Variants in RIMS1 observed in about 807,000 individuals in gnomAD.
RIMS1 encodes the protein regulating synaptic membrane exocytosis 1, also known as regulating synaptic membrane exocytosis protein 1.
RIMS1 carries 83 observed loss-of-function variants against 214.1 expected under a neutral mutation model. That is an observed-to-expected ratio of 0.39 (90% CI 0.32 to 0.47). RIMS1 has a LOEUF of 0.47. RIMS1 is among the 20% of genes least tolerant of loss of function. The pLI is 0.99. For missense variants in RIMS1, 2,050 were observed against 2,161.8 expected (o/e 0.95, Z 1.03); for synonymous variants, 793 against 786.8 (o/e 1.01, Z -0.13).
At chr6:72,387,278 C>T (rs1175511492) in intron 29 of RIMS1, among the ~76,000 whole-genome samples, 1 of 152,192 alleles carries the variant, frequency 6.6e-6, no homozygotes, top group East Asian at 1.9e-4. Flanking sequence ...AGCACCTCAC[C>T]GTTTAGATTT....
intron 20 of RIMS1, 29 bp downstream of exon 20, chr6:72,265,081 A>G: frequency 7.7e-7 from 1 of 1,291,684 alleles, no homozygotes; most frequent in Non-Finnish European, 1.1e-6. Context: ...AGTCCCACCC[A>G]GTTATAAAGT....
chr6:72,231,560 G>A (rs777820405), intron 6 of RIMS1, among the ~76,000 whole-genome samples: 6 of 151,624 alleles, frequency 4.0e-5, no homozygotes, highest in Admixed American at 6.6e-5. Flanking sequence ...ATTTTATTAC[G>A]GGATACTGTA....
chr6:71,894,890 A>C (rs1200517134), intron 1 of RIMS1, among the ~76,000 whole-genome samples: 1 of 152,216 alleles, frequency 6.6e-6, no homozygotes, highest in Non-Finnish European at 1.5e-5. Context: ...TGAATGAAAG[A>C]TATTTTGTGT....
chr6:72,290,731 G>C lies in RIMS1; in HGVS notation c.3607G>C (p.Asp1203His), dbSNP rs935402982. 3 of 1,613,810 alleles carry C rather than the reference G, an allele frequency of 1.9e-6. No homozygotes were observed. The highest frequency in any genetic ancestry group is 3.3e-5 in the Admixed American group (2 of 60,002). The change falls in exon 25 of 34, where the codon GAT becomes CAT. Residue 1203 changes from aspartate to histidine, a missense_variant. Transcript: ENST00000521978. The part of the protein sequence containing the change: ...RRGHAAPRAT[D>H]QPVIRGKHPA... ...GGGACACGCAGCCCCAAGAGCAACT[G>C]ATCAGCCAGTCATTAGGGGAAAACA...
chr6:72,137,807 G>T (rs1483028299), intron 4 of RIMS1, among the ~76,000 whole-genome samples: 8 of 150,156 alleles, frequency 5.3e-5, no homozygotes, highest in African/African-American at 2.0e-4. Context: ...CACGATCTCG[G>T]CTCACTGCAA....
At chr6:71,910,624 T>C (rs1172820852) in intron 1 of RIMS1, among the ~76,000 whole-genome samples, 1 of 152,190 alleles carries the variant, frequency 6.6e-6, no homozygotes, top group Admixed American at 6.6e-5. Context: ...TAGAGATACT[T>C]CATATATGTT....
intron 4 of RIMS1, among the ~76,000 whole-genome samples, chr6:72,163,024 C>A (rs2045691172): frequency 7.6e-6 from 1 of 131,404 alleles, no homozygotes; most frequent in Non-Finnish European, 1.8e-5. Flanking sequence ...TTCAGGTATA[C>A]CTATCAGATG....
At chr6:72,364,107 C>T (rs1049511090) in intron 29 of RIMS1, among the ~76,000 whole-genome samples, 1 of 152,222 alleles carries the variant, frequency 6.6e-6, no homozygotes, top group Non-Finnish European at 1.5e-5. Flanking sequence ...GGCAATAGGC[C>T]AAGCCCTCTC....
intron 6 of RIMS1, among the ~76,000 whole-genome samples, chr6:72,196,521 A>G (rs2050958804): frequency 6.8e-6 from 1 of 146,230 alleles, no homozygotes. Flanking sequence ...CCTTAAAACA[A>G]TTACAACTTA....
intron 4 of RIMS1, among the ~76,000 whole-genome samples, chr6:72,122,271 C>T (rs2038539017): frequency 7.0e-6 from 1 of 143,474 alleles, no homozygotes; most frequent in Non-Finnish European, 1.5e-5. Context: ...GTGGCGCTAT[C>T]TTGGCTCACT....
At chr6:72,054,233 C>A (rs1825523819) in intron 2 of RIMS1, among the ~76,000 whole-genome samples, 1 of 152,240 alleles carries the variant, frequency 6.6e-6, no homozygotes, top group African/African-American at 2.4e-5. Context: ...CTGTTTCATC[C>A]ATGTCCCTGC....
At chr6:72,144,627 A>T (rs1338870870) in intron 4 of RIMS1, among the ~76,000 whole-genome samples, 2 of 152,134 alleles carry the variant, frequency 1.3e-5, no homozygotes, top group Non-Finnish European at 2.9e-5. Context: ...TTCCAAAAAA[A>T]AAAAGAAGCC....
chr6:72,095,116 A>ATTTTTTTT (rs71540328), intron 2 of RIMS1, among the ~76,000 whole-genome samples: 25 of 98,946 alleles, frequency 2.5e-4, no homozygotes, highest in East Asian at 6.0e-4. Flanking sequence ...ACGCCCGACT[A>ATTTTTTTT]TTTTTTTTTT....
intron 28 of RIMS1, among the ~76,000 whole-genome samples, chr6:72,332,408 C>T (rs981146947): frequency 6.6e-6 from 1 of 151,216 alleles, no homozygotes; most frequent in Non-Finnish European, 1.5e-5. Context: ...AGAATCCTAA[C>T]ATCATTCTCA....
intron 1 of RIMS1, among the ~76,000 whole-genome samples, chr6:71,943,506 C>G (rs1342029836): frequency 6.6e-6 from 1 of 152,138 alleles, no homozygotes; most frequent in Non-Finnish European, 1.5e-5. Context: ...GACAAACTTT[C>G]CTCTTTAATT....
intron 29 of RIMS1, among the ~76,000 whole-genome samples, chr6:72,344,166 A>G (rs1300577824): frequency 6.6e-6 from 1 of 151,800 alleles, no homozygotes; most frequent in Non-Finnish European, 1.5e-5. Context: ...AATAAATCAA[A>G]TGAGCACCTT....
intron 4 of RIMS1, among the ~76,000 whole-genome samples, chr6:72,161,260 G>A (rs2045360302): frequency 1.4e-5 from 2 of 139,722 alleles, no homozygotes; most frequent in Admixed American, 1.5e-4. Flanking sequence ...TATTGCATCT[G>A]TTTGATTCTT....
Position 72,376,811 on chromosome 6 carries a change from C to T in RIMS1, c.4367-13787C>T, listed in dbSNP as rs147745482. Among the ~76,000 whole-genome samples, 712 of 151,494 alleles carry T rather than the reference C, an allele frequency of 4.7e-3. 5 individuals are homozygous for T. Among genetic ancestry groups the T allele is most frequent in the African/African-American group, 0.015 (613 of 41,308 alleles). On this transcript the variant is annotated intron_variant, in intron 29 of 33. Transcript: ENST00000521978. ...TAAGATTTCCCTGGGTTTTTAATCACAGAAATTTATCACAGGTTTTTCAGA... is the reference window on the plus strand; with the variant it reads ...TAAGATTTCCCTGGGTTTTTAATCATAGAAATTTATCACAGGTTTTTCAGA...
intron 1 of RIMS1, among the ~76,000 whole-genome samples, chr6:71,963,398 T>C (rs1793522267): frequency 6.6e-6 from 1 of 152,186 alleles, no homozygotes; most frequent in Non-Finnish European, 1.5e-5. Context: ...AGATATGCTG[T>C]GAGTATTTTG....
Sources: allele counts gnomAD v4.1 joint callset (sites outside exome capture counted in the v4.1 genomes callset), GRCh38; gene constraint gnomAD v4.1.1; transcripts MANE v1.5; gene names NCBI Gene and HGNC (gene_info 2026-07-23, HGNC 2026-07-21).